NT5DC2: variants seen among roughly 807,000 people sequenced by gnomAD.
NT5DC2 encodes 5'-nucleotidase domain containing 2.
In NT5DC2, 41 loss-of-function variants were observed where a neutral mutation model predicts 70.0. The observed-to-expected ratio is 0.59, with a 90% CI of 0.46 to 0.76. The LOEUF (loss-of-function observed/expected upper bound fraction) is 0.76. Ranked by LOEUF, NT5DC2 falls within the 30% of genes least tolerant of loss-of-function variation. NT5DC2 has a pLI of 0.00. For synonymous variants in NT5DC2, 299 were observed against 310.4 expected (o/e 0.96, Z 0.39); for missense variants, 705 against 783.2 (o/e 0.90, Z 1.19).
At position 52,529,066 on chromosome 3, in the gene NT5DC2, C is replaced by A. The variant is rs954094825; in HGVS notation, c.417+84G>T. The A allele has an allele frequency of 4.4e-6, 7 of 1,592,222 alleles. No individual in the cohort carries two copies. The highest frequency in any genetic ancestry group is 2.2e-5 in the South Asian group (2 of 90,096). On this transcript the variant is annotated intron_variant, in intron 2 of 13. Transcript: ENST00000422318. This position sits in a 1 kb window ranked among gnomAD's most constrained non-coding sequence, Gnocchi z 4.1. ...AGGCAAGAGGGCCAGGGGAGCCCCA[C>A]GACTCAGCCCTGAGCTTAGGCCAAG...
rs746359584 is a variant in NT5DC2, at chr3:52,527,893, G to C, written c.871C>G (p.Leu291Val). 1.1e-5 allele frequency: 18 copies of C among 1,613,564 alleles called. No individual in the cohort carries two copies. Among genetic ancestry groups the C allele is most frequent in the Non-Finnish European group, 1.4e-5 (17 of 1,180,032 alleles). ...TTCCCATGGGCCACCAGGCGGCTCA[G>C]GACAGCAAACGTCTCATCCCCTCTC... ...ILRGDETFAV[L>V]SRLVAHGKQL... Residue 291 changes from leucine to valine, a missense_variant, in exon 8 of 14, where the codon CTG (leucine) becomes GTG (valine). Coordinates refer to ENST00000422318, the MANE Select transcript of NT5DC2 (RefSeq NM_001134231.2).
Position 52,524,419 on chromosome 3 carries a change from G to C in NT5DC2, c.*51C>G. 1 of 1,612,178 alleles carries C rather than the reference G, an allele frequency of 6.2e-7. No homozygotes were observed. On this transcript the variant is annotated 3_prime_UTR_variant, in exon 14 of 14. Coordinates refer to ENST00000422318, the MANE Select transcript of NT5DC2 (RefSeq NM_001134231.2). ...GAGACCACTTTTATTGCTTGTCTGG[G>C]TGGATGGGGCAGGAGGGGCTGAGGG...
rs1020457361 is a variant in NT5DC2, at chr3:52,531,637, C to T, written c.232+1869G>A. On this transcript the variant is annotated intron_variant, in intron 1 of 13. Transcript: ENST00000422318. The surrounding 1 kb of genome is among the most constrained non-coding windows in gnomAD (Gnocchi z 4.1). Reference sequence around the variant, plus strand: ...GACTAGAAGAACCTTGGCTCTGGGGCGACAGAAGCCTGTTCCCTTCCATAG... The same window carrying T: ...GACTAGAAGAACCTTGGCTCTGGGGTGACAGAAGCCTGTTCCCTTCCATAG... Among the ~76,000 whole-genome samples the T allele has an allele frequency of 7.2e-5, 10 of 138,062 alleles. No homozygotes were observed. In the East Asian group the frequency reaches 1.0e-3, roughly 14 times the overall value. 90.6% of individuals were successfully genotyped at this position (138,062 alleles called of 152,430 possible). A position where few individuals can be genotyped will look rare whatever the true frequency, so the allele number is the denominator to read the frequency against.
intron 1 of NT5DC2, among the ~76,000 whole-genome samples, chr3:52,530,705 GA>G (rs369618150): frequency 3.5e-4 from 52 of 149,996 alleles, no homozygotes; most frequent in African/African-American, 7.1e-4. Context: ...TTTTTAAAAA[GA>G]AAAAAAAAAT....
In NT5DC2 at chr3:52,531,454, G is replaced by A. The variant is rs1205216155; in HGVS notation, c.232+2052C>T. 6.6e-6 allele frequency among the ~76,000 whole-genome samples: 1 copy of A among 152,132 alleles called. No homozygotes were observed. The highest frequency in any genetic ancestry group is 2.4e-5 in the African/African-American group (1 of 41,402). ...CAGAAGACCTGGGAGGGTCTGCTCG[G>A]CAGTGCAGCCCCTTGCTGGCACAGA... On this transcript the variant is annotated intron_variant, in intron 1 of 13. Transcript: ENST00000422318. This position sits in a 1 kb window ranked among gnomAD's most constrained non-coding sequence, Gnocchi z 4.1.
upstream of NT5DC2, chr3:52,534,369 GC>G: frequency 9.0e-7 from 1 of 1,109,590 alleles, no homozygotes; most frequent in Non-Finnish European, 1.3e-6. Context: ...CAAATAAAGA[GC>G]CCTTCCCGCG....
rs1163717378 is a variant in NT5DC2 at position 52,524,591 on chromosome 3, A to G, written c.1553T>C (p.Val518Ala). The change falls in exon 14 of 14, where the codon GTG (valine) becomes GCG (alanine). Residue 518 changes from valine (V) to alanine (A), a missense_variant. Physicochemically the swap from Val to Ala is moderately conservative, Grantham distance 64. Coordinates refer to ENST00000422318, the MANE Select transcript of NT5DC2 (RefSeq NM_001134231.2). ...ACGGCGTGGGTAGAAGGTGAAGTCC[A>G]CGCGGTAGTTGAGCAGGCAGCTGAG... Reference protein sequence around the residue: ...ASLSCLLNYRVDFTFYPRRTP... With the variant: ...ASLSCLLNYRADFTFYPRRTP... 1.9e-6 allele frequency: 3 copies of G among 1,613,196 alleles called. No homozygotes were observed. Among genetic ancestry groups the G allele is most frequent in the Non-Finnish European group, 2.5e-6 (3 of 1,180,040 alleles).
rs970371944 is a variant in NT5DC2, at chr3:52,531,713, A to C, written c.232+1793T>G. ...GGGCAGCTGAGGGTGTGTCCCACTC[A>C]GCATGTCCAGCAATTGCCCTCCTTT... On this transcript the variant is annotated intron_variant, in intron 1 of 13. Coordinates refer to ENST00000422318, the MANE Select transcript of NT5DC2 (RefSeq NM_001134231.2). The surrounding 1 kb of genome is among the most constrained non-coding windows in gnomAD (Gnocchi z 4.1). Among the ~76,000 whole-genome samples the C allele has an allele frequency of 4.0e-5, 6 of 151,486 alleles. No homozygotes were observed. The highest frequency in any genetic ancestry group is 1.5e-4 in the African/African-American group (6 of 41,146).
chr3:52,528,055 G>A lies in NT5DC2; in HGVS notation c.790C>T (p.His264Tyr). 1 of 1,612,180 alleles carries A rather than the reference G, an allele frequency of 6.2e-7. No homozygotes were observed. Among genetic ancestry groups the A allele is most frequent in the Non-Finnish European group, 8.5e-7 (1 of 1,179,514 alleles). Reference sequence around the variant, plus strand: ...CACTGGTACATGAGGCCCTTCACATGCACGTCTCGGATGGCGTCCTGGGGG... The same window carrying A: ...CACTGGTACATGAGGCCCTTCACATACACGTCTCGGATGGCGTCCTGGGGG... ...KDVTDAIRDV[H>Y]VKGLMYQWIE... is the part of the protein sequence containing the mutation. Residue 264 changes from histidine (H) to tyrosine (Y), a missense_variant, in exon 7 of 14, where the codon CAT (histidine) becomes TAT (tyrosine). Transcript: ENST00000422318.
chr3:52,532,674 G>A (rs957574504), intron 1 of NT5DC2, among the ~76,000 whole-genome samples: 4 of 152,082 alleles, frequency 2.6e-5, no homozygotes, highest in African/African-American at 9.7e-5. Flanking sequence ...GAGGCCCCAG[G>A]ACTGCGTTTC....
chr3:52,534,699 TG>T (rs2153249716), upstream of NT5DC2: 1 of 1,571,188 alleles, frequency 6.4e-7, no homozygotes, highest in Non-Finnish European at 8.7e-7. Context: ...CATACCAGGC[TG>T]TGCTCAGGGT....
rs1575393743 is a variant in NT5DC2 at position 52,533,645 on chromosome 3, G to A, written c.93C>T (p.Cys31=). 1.7e-6 allele frequency: 2 copies of A among 1,188,966 alleles called. No homozygotes were observed. Among genetic ancestry groups the A allele is most frequent in the East Asian group, 3.7e-5 (1 of 27,288 alleles). The allele number at this position is 1,188,966 out of a possible 1,614,324, so 73.7% of individuals were successfully genotyped here. The change falls in exon 1 of 14, where the codon TGC becomes TGT. Residue 31 remains cysteine, a synonymous_variant. Coordinates refer to ENST00000422318, the MANE Select transcript of NT5DC2 (RefSeq NM_001134231.2). ...CGGGACCCGGGGGGCCGCACCCAGG[G>A]CAGGAGGGCGAGGACGAGGCGGCTC... ...GPRAASSSPS[C]PGCGPPGPGA...
chr3:52,525,373 C>T, intron 10 of NT5DC2, 78 bp from the exon 11 acceptor site: 2 of 1,138,024 alleles, frequency 1.8e-6, no homozygotes, highest in Non-Finnish European at 2.6e-6. Context: ...TCCCCAGAGG[C>T]AGCCCAAATC....
At position 52,525,119 on chromosome 3, in the gene NT5DC2, G is replaced by A; in HGVS notation, c.1207-16C>T. The stretch of plus-strand genomic sequence containing the variant: ...GCATGAGATCCTGGTGGGTGGGGCG[G>A]CAGAACTGGGCTCAGCGCCAGTTGC... On this transcript the variant is annotated splice_polypyrimidine_tract_variant and intron_variant, in intron 11 of 13. Coordinates refer to ENST00000422318, the MANE Select transcript of NT5DC2 (RefSeq NM_001134231.2). 5 of 1,548,884 alleles carry A rather than the reference G, an allele frequency of 3.2e-6. No homozygotes were observed. Among genetic ancestry groups the A allele is most frequent in the South Asian group, 1.2e-5 (1 of 84,978 alleles).
intron 1 of NT5DC2, chr3:52,532,356 A>T: frequency 1.0e-6 from 1 of 985,382 alleles, no homozygotes; most frequent in Non-Finnish European, 1.2e-6. Context: ...AAGACTTCTT[A>T]AATAACGCTG....
Position 52,533,499 on chromosome 3 carries a change from C to T in NT5DC2, c.232+7G>A. The T allele has an allele frequency of 6.7e-7, 1 of 1,497,070 alleles. No individual in the cohort carries two copies. 92.7% of individuals were successfully genotyped at this position (1,497,070 alleles called of 1,614,324 possible). On this transcript the variant is annotated splice_region_variant and intron_variant, in intron 1 of 13. Transcript: ENST00000422318. ...CCCCGGCGCACGTCCCGCCCCGGCT[C>T]ACCCACCGTGCACCAGTCTCCGCAT...
intron 1 of NT5DC2, chr3:52,532,213 T>G (rs925673625): frequency 2.0e-6 from 2 of 985,278 alleles, no homozygotes; most frequent in African/African-American, 3.5e-5. Flanking sequence ...AAGAGGAGCT[T>G]AGAGGGCTGT....
At position 52,524,862 on chromosome 3, in the gene NT5DC2, G is replaced by A. The variant is rs774720438; in HGVS notation, c.1367C>T (p.Ser456Leu). 4.1e-5 allele frequency: 66 copies of A among 1,612,242 alleles called. No homozygotes were observed. Among genetic ancestry groups the A allele is most frequent in the Non-Finnish European group, 5.5e-5 (65 of 1,179,786 alleles). The change falls in exon 13 of 14, where the codon TCG (serine) becomes TTG (leucine). Residue 456 changes from serine (S) to leucine (L), a missense_variant. Coordinates refer to ENST00000422318, the MANE Select transcript of NT5DC2 (RefSeq NM_001134231.2). ...ERMQTYQDAE[S>L]RQVLAAWMKE... is the part of the protein sequence containing the mutation. ...CATCCAGGCAGCCAGCACCTGCCTC[G>A]ACTCCGCGTCCTGATAGGTCTGGGG... is the stretch of plus-strand genomic sequence containing the variant.
At chr3:52,534,950 C>T, upstream of NT5DC2, 1 of 380,820 alleles carries the variant, frequency 2.6e-6, no homozygotes. Context: ...AGTGGGTGTG[C>T]TGGGAACCTG....
Sources: allele counts gnomAD v4.1 joint callset (sites outside exome capture counted in the v4.1 genomes callset), GRCh38; gene constraint gnomAD v4.1.1; non-coding constraint Gnocchi (gnomAD v3.1); transcripts MANE v1.5; gene names NCBI Gene and HGNC (gene_info 2026-07-23, HGNC 2026-07-21).